WRAP53: variants seen among roughly 807,000 people sequenced by gnomAD.
The protein encoded by WRAP53 is telomerase Cajal body protein 1.
Under a neutral mutation model 56.6 loss-of-function variants are expected in WRAP53, and 28 were observed. The observed-to-expected ratio is 0.50, with a 90% CI of 0.37 to 0.68. The LOEUF is 0.68. WRAP53 is among the 30% of genes least tolerant of loss of function. The pLI is 0.00. For missense variants in WRAP53, 671 were observed against 715.5 expected (o/e 0.94, Z 0.71); for synonymous variants, 283 against 283.4 (o/e 1.00, Z 0.01).
At chr17:7,699,460 ATATATATATATATATT>A (rs1567577233) in intron 4 of WRAP53, among the ~76,000 whole-genome samples, 15 of 17,190 alleles carry the variant, frequency 8.7e-4, no homozygotes, top group South Asian at 8.0e-3. Context: ...ATATATATTT[ATATATATATATATATT>A]TATATATATA....
At chr17:7,696,295 T>A (rs1052171406) in intron 4 of WRAP53, among the ~76,000 whole-genome samples, 2 of 134,860 alleles carry the variant, frequency 1.5e-5, no homozygotes, top group African/African-American at 6.0e-5. Context: ...CAGAGATTTT[T>A]TTTTTTTTTT....
At chr17:7,695,076 T>TCC (rs1258002841) in intron 4 of WRAP53, among the ~76,000 whole-genome samples, 1 of 151,806 alleles carries the variant, frequency 6.6e-6, no homozygotes, top group Non-Finnish European at 1.5e-5. Context: ...CCTCAGCCTC[T>TCC]CGAGTAGCTG....
intron 4 of WRAP53, among the ~76,000 whole-genome samples, chr17:7,699,486 A>ATATT (rs2074237524): frequency 6.9e-5 from 1 of 14,434 alleles, no homozygotes; most frequent in African/African-American, 3.1e-4. Context: ...TTATATATAT[A>ATATT]TATATATATA....
Position 7,701,953 on chromosome 17 carries a change from A to T in WRAP53, c.955+164A>T. ...GCAGAGGAGCAAACAGGCTCAGAGC[A>T]GGTAGGAAACCTTCCCAAGGCCAAC... On this transcript the variant is annotated intron_variant, in intron 7 of 10. Coordinates refer to ENST00000396463, the MANE Select transcript of WRAP53 (RefSeq NM_001143992.2). The surrounding 1 kb of genome is among the most constrained non-coding windows in gnomAD (Gnocchi z 4.2). 1 of 1,254,870 alleles carries T rather than the reference A, an allele frequency of 8.0e-7. No homozygotes were observed. Among genetic ancestry groups the T allele is most frequent in the Non-Finnish European group, 1.1e-6 (1 of 890,476 alleles). 77.7% of individuals were successfully genotyped at this position (1,254,870 alleles called of 1,614,324 possible).
Position 7,702,904 on chromosome 17 carries a change from C to A in WRAP53, c.1268+58C>A. The A allele has an allele frequency of 6.2e-7, 1 of 1,612,848 alleles. No individual in the cohort carries two copies. Among genetic ancestry groups the A allele is most frequent in the Non-Finnish European group, 8.5e-7 (1 of 1,179,806 alleles). On this transcript the variant is annotated intron_variant, in intron 9 of 10. Coordinates refer to ENST00000396463, the MANE Select transcript of WRAP53 (RefSeq NM_001143992.2). The surrounding 1 kb of genome is among the most constrained non-coding windows in gnomAD (Gnocchi z 5.0). ...CCTGATAAGCCTAGGAATGCCAGAG[C>A]CCAGCTGTAGGGTCCCAGTCCCTGG...
At chr17:7,689,444 G>T in intron 3 of WRAP53, 122 bp downstream of exon 3, 1 of 1,274,440 alleles carries the variant, frequency 7.8e-7, no homozygotes, top group South Asian at 1.2e-5. Flanking sequence ...CTTTTAGACT[G>T]AGCTTACATT....
Position 7,689,230 on chromosome 17 carries a change from G to C in WRAP53, c.438G>C (p.Trp146Cys). 6.2e-7 allele frequency: 1 copy of C among 1,613,882 alleles called. No individual in the cohort carries two copies. The highest frequency in any genetic ancestry group is 8.5e-7 in the Non-Finnish European group (1 of 1,179,988). Reference protein sequence around the residue: ...PAAEDEGDTAWNYSFSQLPRF... With the variant: ...PAAEDEGDTACNYSFSQLPRF... ...TCCCCCATCTTCCTTTCAGCGCTTG[G>C]AACTACAGCTTCTCCCAGCTGCCTC... Residue 146 changes from tryptophan (W) to cysteine (C), a missense_variant, in exon 3 of 11, where the codon TGG becomes TGC. Physicochemically the swap from Trp to Cys is radical, Grantham distance 215 (BLOSUM62 -2). Transcript: ENST00000396463.
chr17:7,700,772 C>A lies in WRAP53; in HGVS notation c.674C>A (p.Thr225Asn). 6.2e-7 allele frequency: 1 copy of A among 1,613,106 alleles called. No homozygotes were observed. Among genetic ancestry groups the A allele is most frequent in the Non-Finnish European group, 8.5e-7 (1 of 1,179,324 alleles). Residue 225 changes from threonine to asparagine, a missense_variant, in exon 5 of 11, where the codon ACC becomes AAC. Around this residue, in one of 3 missense-constraint regions of WRAP53, gnomAD observed 406 missense variants for 418.5 expected, o/e 0.97. Transcript: ENST00000396463. ...GTCCTTCGAATGGTGGAAGGTGATA[C>A]CATCTATGATTACTGCTGGTATTCT... ...VPVLRMVEGD[T>N]IYDYCWYSLM...
chr17:7,698,869 C>T (rs575321320), intron 4 of WRAP53, among the ~76,000 whole-genome samples: 285 of 142,218 alleles, frequency 2.0e-3, no homozygotes, highest in Non-Finnish European at 3.1e-3. Context: ...GAGCGAGACT[C>T]CGTCAAAAAT....
In WRAP53 at chr17:7,689,662, G is replaced by A; in HGVS notation, c.603G>A (p.Glu201=). 6.2e-7 allele frequency: 1 copy of A among 1,614,192 alleles called. No homozygotes were observed. ...NILRIYNLPP[E]LYHEGEQVEY... is the part of the protein sequence containing the mutation. Reference sequence around the variant, plus strand: ...TGCGAATTTATAACCTGCCCCCAGAGCTGTACCATGAGGGGGAGCAGGTGG... The same window carrying A: ...TGCGAATTTATAACCTGCCCCCAGAACTGTACCATGAGGGGGAGCAGGTGG... The change falls in exon 4 of 11, where the codon GAG becomes GAA. Residue 201 remains glutamate, a synonymous_variant. Coordinates refer to ENST00000396463, the MANE Select transcript of WRAP53 (RefSeq NM_001143992.2).
At chr17:7,690,796 C>T (rs1337708868) in intron 4 of WRAP53, among the ~76,000 whole-genome samples, 2 of 151,892 alleles carry the variant, frequency 1.3e-5, no homozygotes, top group Non-Finnish European at 2.9e-5. Flanking sequence ...CCTGTAATCC[C>T]AGCTACTTGT....
chr17:7,701,858 GA>G lies in WRAP53; in HGVS notation c.955+70del, dbSNP rs2074279988. The G allele has an allele frequency of 6.4e-7, 1 of 1,569,988 alleles. No homozygotes were observed. The highest frequency in any genetic ancestry group is 1.4e-5 in the African/African-American group (1 of 73,934). ...TGCCACCTGCACAGGGGCCTTTTGT[GA>G]GCCGGGGGCCACCTGTGGGGGTTCA... On this transcript the variant is annotated intron_variant, in intron 7 of 10. Coordinates refer to ENST00000396463, the MANE Select transcript of WRAP53 (RefSeq NM_001143992.2). The surrounding 1 kb of genome is among the most constrained non-coding windows in gnomAD (Gnocchi z 4.2).
rs186716840 is a variant in WRAP53 at position 7,692,783 on chromosome 17, C to T, written c.642+3082C>T. 2.5e-4 allele frequency among the ~76,000 whole-genome samples: 30 copies of T among 118,200 alleles called. 1 individual carries two copies. Among genetic ancestry groups the T allele is most frequent in the Middle Eastern group, 7.2e-3 (1 of 138 alleles). The allele number at this position is 118,200 out of a possible 152,430, so 77.5% of individuals were successfully genotyped here. ...TTTTTTTTTTTTTGAGACAGAGTCT[C>T]GCTCTGTCACCCAGCTGGAGTGCAG... On this transcript the variant is annotated intron_variant, in intron 4 of 10. Coordinates refer to ENST00000396463, the MANE Select transcript of WRAP53 (RefSeq NM_001143992.2).
In WRAP53 at chr17:7,688,522, G is replaced by C; in HGVS notation, c.-41G>C. 1.0e-6 allele frequency: 1 copy of C among 1,004,182 alleles called. No homozygotes were observed. Among genetic ancestry groups the C allele is most frequent in the East Asian group, 2.6e-5 (1 of 38,382 alleles). The allele number at this position is 1,004,182 out of a possible 1,614,324, so 62.2% of individuals were successfully genotyped here. A position where few individuals can be genotyped will look rare whatever the true frequency, so the allele number is the denominator to read the frequency against. ...CGTCCGCTGTTCGCCTCTCCTCCCG[G>C]GAGTCTTCTGCCTACTCCCAGAAGA... is the stretch of plus-strand genomic sequence containing the variant. On this transcript the variant is annotated 5_prime_UTR_variant, in exon 1 of 11. Transcript: ENST00000396463.
chr17:7,703,466 G>A lies in WRAP53; in HGVS notation c.1627G>A (p.Gly543Ser), dbSNP rs2074304991. 23 of 1,613,794 alleles carry A rather than the reference G, an allele frequency of 1.4e-5. No individual in the cohort carries two copies. The highest frequency in any genetic ancestry group is 1.9e-5 in the Non-Finnish European group (23 of 1,179,980). The change falls in exon 11 of 11, where the codon GGT becomes AGT. Residue 543 changes from glycine to serine, a missense_variant. By Grantham distance (56) the Gly-to-Ser change is moderately conservative. Around this residue, in one of 3 missense-constraint regions of WRAP53, gnomAD observed 107 missense variants for 81.3 expected, o/e 1.32. Coordinates refer to ENST00000396463, the MANE Select transcript of WRAP53 (RefSeq NM_001143992.2). ...GEKGQGGTEG[G>S]VGELI ...GAAAGGGCAGGGAGGAACGGAGGGAGGTGTGGGTGAGCTGATATAAAAAGG... is the reference window on the plus strand; with the variant it reads ...GAAAGGGCAGGGAGGAACGGAGGGAAGTGTGGGTGAGCTGATATAAAAAGG...
chr17:7,698,326 T>C (rs944443634), intron 4 of WRAP53, among the ~76,000 whole-genome samples: 1 of 152,172 alleles, frequency 6.6e-6, no homozygotes, highest in Non-Finnish European at 1.5e-5. Flanking sequence ...AGTTTGAATA[T>C]ATTCATGAGT....
At position 7,701,409 on chromosome 17, in the gene WRAP53, C is replaced by T; in HGVS notation, c.732-50C>T. ...CATGAGCCACTGTGCCCGGCCATTCCTCCCCTTCCTTTGACAGCACCGGGG... is the reference window on the plus strand; with the variant it reads ...CATGAGCCACTGTGCCCGGCCATTCTTCCCCTTCCTTTGACAGCACCGGGG... On this transcript the variant is annotated intron_variant, in intron 5 of 10. Coordinates refer to ENST00000396463, the MANE Select transcript of WRAP53 (RefSeq NM_001143992.2). The surrounding 1 kb of genome is among the most constrained non-coding windows in gnomAD (Gnocchi z 4.2). 6.2e-7 allele frequency: 1 copy of T among 1,603,276 alleles called. No homozygotes were observed. The highest frequency in any genetic ancestry group is 8.5e-7 in the Non-Finnish European group (1 of 1,170,184).
At chr17:7,699,014 C>A (rs564085229) in intron 4 of WRAP53, among the ~76,000 whole-genome samples, 1 of 151,782 alleles carries the variant, frequency 6.6e-6, no homozygotes, top group African/African-American at 2.4e-5. Context: ...GAGATGATTG[C>A]GCCACTGTGC....
rs2074272250 is a variant in WRAP53 at position 7,701,462 on chromosome 17, G to A, written c.735G>A (p.Val245=). ...TCAGTGTCCATGTCTCTCTCAGCGTGGCCAGCAGCAGCCGGGAGAACCCGA... is the reference window on the plus strand; with the variant it reads ...TCAGTGTCCATGTCTCTCTCAGCGTAGCCAGCAGCAGCCGGGAGAACCCGA... The part of the protein sequence containing the change: ...MSSAQPDTSY[V]ASSSRENPIH... The change falls in exon 6 of 11, where the codon GTG becomes GTA. Residue 245 remains valine, a synonymous_variant. Coordinates refer to ENST00000396463, the MANE Select transcript of WRAP53 (RefSeq NM_001143992.2). This position sits in a 1 kb window ranked among gnomAD's most constrained non-coding sequence, Gnocchi z 4.2. The A allele has an allele frequency of 6.2e-7, 1 of 1,614,210 alleles. No individual in the cohort carries two copies. Among genetic ancestry groups the A allele is most frequent in the Non-Finnish European group, 8.5e-7 (1 of 1,180,046 alleles).
Sources: gnomAD v4.1 joint callset for allele counts (sites outside exome capture counted in the v4.1 genomes callset) on GRCh38, gnomAD v4.1.1 for gene constraint, gnomAD v4.1.1 regional missense constraint, Gnocchi (gnomAD v3.1) non-coding constraint, MANE v1.5 for transcripts, NCBI Gene and HGNC (gene_info 2026-07-23, HGNC 2026-07-21) for gene names.